Variants in FBXL7 observed in about 807,000 individuals in gnomAD.
The protein encoded by FBXL7 is F-box and leucine rich repeat protein 7.
FBXL7 carries 12 observed loss-of-function variants against 38.3 expected under a neutral mutation model. The observed-to-expected ratio is 0.31, with a 90% CI of 0.20 to 0.51. FBXL7 has a LOEUF of 0.51. Among genes scored for constraint, FBXL7 ranks in the 20% least tolerant of loss-of-function variants. FBXL7 has a pLI of 0.98. For missense variants in FBXL7, 567 were observed against 676.4 expected, an observed-to-expected ratio of 0.84 and a Z score of 1.79; for synonymous variants, 297 against 300.9, an observed-to-expected ratio of 0.99 and a Z score of 0.13.
chr5:15,638,400 A>T (rs1741254875), intron 2 of FBXL7, among the ~76,000 whole-genome samples: 1 of 152,230 alleles, frequency 6.6e-6, no homozygotes, highest in Non-Finnish European at 1.5e-5. Context: ...ATCTGGGATC[A>T]GCAGCATCCC....
chr5:15,764,564 A>C (rs1378584930), intron 2 of FBXL7, among the ~76,000 whole-genome samples: 1 of 152,234 alleles, frequency 6.6e-6, no homozygotes, highest in Non-Finnish European at 1.5e-5. Flanking sequence ...AGTACCTCAG[A>C]AACTCCGAGG....
chr5:15,524,375 C>T (rs997244726), intron 1 of FBXL7, among the ~76,000 whole-genome samples: 5 of 152,138 alleles, frequency 3.3e-5, no homozygotes, highest in African/African-American at 1.2e-4. Flanking sequence ...GGCTGAAGGG[C>T]TCATTTCTAT....
At chr5:15,740,359 A>ACATAC (rs1264627091) in intron 2 of FBXL7, among the ~76,000 whole-genome samples, 1 of 152,120 alleles carries the variant, frequency 6.6e-6, no homozygotes, top group East Asian at 1.9e-4. Flanking sequence ...TTTCACTTTG[A>ACATAC]CATACCTGGC....
At chr5:15,749,677 C>T (rs1462222675) in intron 2 of FBXL7, among the ~76,000 whole-genome samples, 1 of 152,162 alleles carries the variant, frequency 6.6e-6, no homozygotes, top group Non-Finnish European at 1.5e-5. Context: ...AGTGTTGATG[C>T]AGGAAGACAT....
chr5:15,771,322 G>T (rs966729793), intron 2 of FBXL7, among the ~76,000 whole-genome samples: 1 of 152,132 alleles, frequency 6.6e-6, no homozygotes, highest in Non-Finnish European at 1.5e-5. Context: ...AAATCAAATG[G>T]CTCAAAACAG....
At chr5:15,919,051 A>G (rs955768798) in intron 2 of FBXL7, among the ~76,000 whole-genome samples, 6 of 152,214 alleles carry the variant, frequency 3.9e-5, no homozygotes, top group African/African-American at 1.2e-4. Context: ...GCTAGGTTTT[A>G]TTGATCTATT....
At chr5:15,918,382 G>A (rs939398140) in intron 2 of FBXL7, among the ~76,000 whole-genome samples, 1 of 152,078 alleles carries the variant, frequency 6.6e-6, no homozygotes, top group African/African-American at 2.4e-5. Flanking sequence ...ATCTTTATTC[G>A]GACAGAAATT....
intron 2 of FBXL7, among the ~76,000 whole-genome samples, chr5:15,619,028 T>C (rs13173718): frequency 0.011 from 1,726 of 152,250 alleles, 18 homozygotes; most frequent in Non-Finnish European, 0.016. Context: ...ACGGTGATCC[T>C]AGGACTTTTA....
chr5:15,592,899 A>G (rs1739524323), intron 1 of FBXL7, among the ~76,000 whole-genome samples: 1 of 152,194 alleles, frequency 6.6e-6, no homozygotes, highest in Admixed American at 6.5e-5. Context: ...AATAGCAAAA[A>G]GAGTAGTGAT....
At chr5:15,888,085 T>A (rs1274336092) in intron 2 of FBXL7, among the ~76,000 whole-genome samples, 1 of 152,152 alleles carries the variant, frequency 6.6e-6, no homozygotes, top group African/African-American at 2.4e-5. Context: ...GATAAGTGCT[T>A]TTATAGTAAC....
At chr5:15,813,025 T>G (rs1737909987) in intron 2 of FBXL7, among the ~76,000 whole-genome samples, 1 of 152,166 alleles carries the variant, frequency 6.6e-6, no homozygotes, top group Non-Finnish European at 1.5e-5. Flanking sequence ...TTAAGGAGAT[T>G]TTGGGCTGAG....
intron 2 of FBXL7, among the ~76,000 whole-genome samples, chr5:15,617,766 T>C (rs1740503186): frequency 6.6e-6 from 1 of 152,172 alleles, no homozygotes; most frequent in African/African-American, 2.4e-5. Flanking sequence ...GCTTTCATTC[T>C]TAGGAGCCAT....
At chr5:15,764,097 G>A (rs553924738) in intron 2 of FBXL7, among the ~76,000 whole-genome samples, 1 of 152,256 alleles carries the variant, frequency 6.6e-6, no homozygotes, top group South Asian at 2.1e-4. Context: ...ACTCAAAAAA[G>A]CTTTACTATT....
intron 2 of FBXL7, among the ~76,000 whole-genome samples, chr5:15,856,788 GT>G (rs1262761188): frequency 1.3e-5 from 2 of 150,516 alleles, no homozygotes; most frequent in African/African-American, 4.9e-5. Flanking sequence ...ACATACTTGT[GT>G]TTTTCCACTT....
At chr5:15,712,685 A>G (rs1449401170) in intron 2 of FBXL7, among the ~76,000 whole-genome samples, 1 of 152,058 alleles carries the variant, frequency 6.6e-6, no homozygotes, top group African/African-American at 2.4e-5. Flanking sequence ...AAATTTAAAA[A>G]AAAAAGAAAA....
intron 2 of FBXL7, among the ~76,000 whole-genome samples, chr5:15,781,209 T>C (rs1736982011): frequency 6.6e-6 from 1 of 152,178 alleles, no homozygotes; most frequent in Admixed American, 6.6e-5. Context: ...AGGGAGGTTT[T>C]ACTGCTCTAA....
chr5:15,755,318 A>C (rs1264981943), intron 2 of FBXL7, among the ~76,000 whole-genome samples: 1 of 152,190 alleles, frequency 6.6e-6, no homozygotes, highest in Non-Finnish European at 1.5e-5. Flanking sequence ...CTCTTATCAA[A>C]AGAGAGGGTA....
chr5:15,654,167 T>G (rs560879301), intron 2 of FBXL7, among the ~76,000 whole-genome samples: 1 of 152,332 alleles, frequency 6.6e-6, no homozygotes, highest in East Asian at 1.9e-4. Context: ...AAGAAGGGTT[T>G]GCTTGTTTTT....
At chr5:15,552,760 G>A (rs2459500) in intron 1 of FBXL7, among the ~76,000 whole-genome samples, 7,895 of 152,104 alleles carry the variant, frequency 0.052, 357 homozygotes, top group African/African-American at 0.11. Flanking sequence ...ACTCATCACC[G>A]ATCTTAGGAT....
Sources: gnomAD v4.1 joint callset for allele counts (sites outside exome capture counted in the v4.1 genomes callset) on GRCh38, gnomAD v4.1.1 for gene constraint, MANE v1.5 for transcripts, NCBI Gene and HGNC (gene_info 2026-07-23, HGNC 2026-07-21) for gene names.